Variants in RGS6 observed in about 807,000 individuals in gnomAD.
RGS6 encodes the protein regulator of G-protein signaling 6.
A neutral mutation model predicts 78.5 loss-of-function variants in RGS6; 30 were observed. The observed-to-expected ratio is 0.38, with a 90% CI of 0.29 to 0.52. The LOEUF is 0.52. Ranked by LOEUF, RGS6 falls within the 20% of genes least tolerant of loss-of-function variation. The pLI is 0.85. For synonymous variants in RGS6, 206 were observed against 206.0 expected, an observed-to-expected ratio of 1.00 and a Z score of 0.00; for missense variants, 495 against 609.7, an observed-to-expected ratio of 0.81 and a Z score of 1.98.
intron 15 of RGS6, among the ~76,000 whole-genome samples, chr14:72,521,927 C>CT (rs1170836965): frequency 1.3e-5 from 2 of 152,200 alleles, no homozygotes; most frequent in Non-Finnish European, 2.9e-5. Context: ...CTAATATTCT[C>CT]TTTTTAAGCC....
intron 2 of RGS6, among the ~76,000 whole-genome samples, chr14:72,034,381 A>G (rs2091373759): frequency 7.0e-6 from 1 of 143,212 alleles, no homozygotes; most frequent in Non-Finnish European, 1.5e-5. Context: ...TTGTCATGAA[A>G]GGGTATTGAA....
chr14:72,187,850 C>T (rs1003837086), intron 2 of RGS6, among the ~76,000 whole-genome samples: 4 of 150,724 alleles, frequency 2.7e-5, no homozygotes, highest in Non-Finnish European at 4.4e-5. Flanking sequence ...TCAATGCTCA[C>T]TGTGCTTTTG....
rs532394777 is a variant in RGS6 at position 72,100,595 on chromosome 14, C to G, written c.84+135720C>G. Among the ~76,000 whole-genome samples the G allele has an allele frequency of 8.5e-5, 13 of 152,362 alleles. No homozygotes were observed. In the South Asian group the frequency reaches 2.5e-3, roughly 29 times the overall value. ...TCACAAACTGTCAGTTTGATGTACT[C>G]TGTGACTTTCAGTTGAAGATGTCAC... On this transcript the variant is annotated intron_variant, in intron 2 of 17. Coordinates refer to ENST00000553525, the MANE Select transcript of RGS6 (RefSeq NM_001204424.2).
intron 2 of RGS6, among the ~76,000 whole-genome samples, chr14:72,294,498 CTG>C (rs1431997280): frequency 6.6e-6 from 1 of 152,182 alleles, no homozygotes; most frequent in Admixed American, 6.5e-5. Context: ...ATTTAGGCCA[CTG>C]TATGAGTCCA....
At chr14:72,165,684 A>G (rs1339513587) in intron 2 of RGS6, among the ~76,000 whole-genome samples, 1 of 152,222 alleles carries the variant, frequency 6.6e-6, no homozygotes, top group Non-Finnish European at 1.5e-5. Context: ...GAAAAGAACA[A>G]ATGTGTTGTG....
chr14:72,455,814 T>C (rs1190714248), intron 4 of RGS6, among the ~76,000 whole-genome samples: 1 of 152,226 alleles, frequency 6.6e-6, no homozygotes, highest in Non-Finnish European at 1.5e-5. Context: ...TCTACCTGTT[T>C]AGTTACATTT....
intron 3 of RGS6, among the ~76,000 whole-genome samples, chr14:72,440,148 A>G (rs2095129772): frequency 6.6e-6 from 1 of 152,184 alleles, no homozygotes; most frequent in African/African-American, 2.4e-5. Context: ...CCTACCTGAT[A>G]TCCCAGCCTT....
At chr14:72,206,309 A>G (rs2042697202) in intron 2 of RGS6, among the ~76,000 whole-genome samples, 1 of 152,192 alleles carries the variant, frequency 6.6e-6, no homozygotes, top group Non-Finnish European at 1.5e-5. Context: ...CTAAAAAAAT[A>G]AACAGCCCAC....
intron 2 of RGS6, among the ~76,000 whole-genome samples, chr14:72,097,877 A>G (rs1432709174): frequency 6.6e-6 from 1 of 152,146 alleles, no homozygotes. Context: ...TTAGCCTGAT[A>G]TCATCAGCCA....
intron 13 of RGS6, among the ~76,000 whole-genome samples, chr14:72,499,101 T>A (rs544083874): frequency 2.3e-4 from 35 of 152,282 alleles, no homozygotes; most frequent in African/African-American, 8.2e-4. Flanking sequence ...TTCTGATGTC[T>A]TTCTATTTCC....
At position 71,942,481 on chromosome 14, in the gene RGS6, T is replaced by C. The variant is rs563523946; in HGVS notation, c.-21+9540T>C. ...CAAGAAAAAAGGCTCATTAGAACTC[T>C]ACCACCATTCTATAAGATAGGTCCC... On this transcript the variant is annotated intron_variant, in intron 1 of 17. Coordinates refer to ENST00000553525, the MANE Select transcript of RGS6 (RefSeq NM_001204424.2). 2.0e-4 allele frequency among the ~76,000 whole-genome samples: 30 copies of C among 152,204 alleles called. No homozygotes were observed. The South Asian group carries it at 5.6e-3, about 29-fold the overall frequency.
At chr14:71,873,754 C>T in the RGS6 span, among the ~76,000 whole-genome samples, 2 of 152,148 alleles carry the variant, frequency 1.3e-5, no homozygotes, top group African/African-American at 4.8e-5. Context: ...AGGTTTTCTT[C>T]TAGGGTTTTT....
chr14:72,267,807 T>G (rs2059306932), intron 2 of RGS6, among the ~76,000 whole-genome samples: 1 of 152,252 alleles, frequency 6.6e-6, no homozygotes, highest in Non-Finnish European at 1.5e-5. Context: ...CCTACTGTAT[T>G]TTAGTGATTC....
chr14:72,531,453 AGAAC>A (rs907983697), intron 15 of RGS6, among the ~76,000 whole-genome samples: 2 of 150,414 alleles, frequency 1.3e-5, no homozygotes, highest in Admixed American at 6.7e-5. Context: ...AAAAAAAAAA[AGAAC>A]CAAGTCAGTA....
chr14:72,006,216 G>A (rs549019633), intron 2 of RGS6, among the ~76,000 whole-genome samples: 3 of 152,078 alleles, frequency 2.0e-5, no homozygotes, highest in Non-Finnish European at 4.4e-5. Context: ...AGCTGGTGCT[G>A]ACTTCTCCTT....
At chr14:72,449,363 A>G (rs1271873004) in intron 3 of RGS6, among the ~76,000 whole-genome samples, 1 of 152,198 alleles carries the variant, frequency 6.6e-6, no homozygotes, top group Non-Finnish European at 1.5e-5. Flanking sequence ...CAGTCTTTTT[A>G]TCAACTTTGC....
At chr14:72,167,707 C>T (rs1293952542) in intron 2 of RGS6, among the ~76,000 whole-genome samples, 1 of 152,076 alleles carries the variant, frequency 6.6e-6, no homozygotes, top group Non-Finnish European at 1.5e-5. Flanking sequence ...ACACTTACTC[C>T]AAAAATTTAA....
chr14:72,157,670 A>G (rs1304716568), intron 2 of RGS6, among the ~76,000 whole-genome samples: 1 of 152,106 alleles, frequency 6.6e-6, no homozygotes, highest in Admixed American at 6.5e-5. Flanking sequence ...AGGTTTTCGG[A>G]CAGGCGGGCC....
intron 15 of RGS6, among the ~76,000 whole-genome samples, chr14:72,529,889 C>G (rs973647938): frequency 2.0e-5 from 3 of 152,248 alleles, no homozygotes; most frequent in African/African-American, 4.8e-5. Context: ...TGGATCTAAG[C>G]TTTATGACAT....
Sources: allele counts gnomAD v4.1 joint callset (sites outside exome capture counted in the v4.1 genomes callset), GRCh38; gene constraint gnomAD v4.1.1; transcripts MANE v1.5; gene names NCBI Gene and HGNC (gene_info 2026-07-23, HGNC 2026-07-21).